Variants in INPP4B observed in about 807,000 individuals in gnomAD.
INPP4B encodes inositol polyphosphate 4-phosphatase type II.
In INPP4B, 55 loss-of-function variants were observed where a neutral mutation model predicts 122.5. That is an observed-to-expected ratio of 0.45 (90% CI 0.36 to 0.56). The LOEUF (loss-of-function observed/expected upper bound fraction) is 0.56. Among genes scored for constraint, INPP4B ranks in the 20% least tolerant of loss-of-function variants. INPP4B has a pLI of 0.00. For synonymous variants in INPP4B, 403 were observed against 388.7 expected (o/e 1.04, Z -0.43); for missense variants, 1,000 against 1,097.7 (o/e 0.91, Z 1.26).
intron 2 of INPP4B, among the ~76,000 whole-genome samples, chr4:142,525,825 A>G (rs945434347): frequency 6.7e-6 from 1 of 149,604 alleles, no homozygotes; most frequent in Admixed American, 6.8e-5. Context: ...GGACATAGGC[A>G]TGGGCAAGGA....
intron 1 of INPP4B, among the ~76,000 whole-genome samples, chr4:142,757,320 G>A (rs1770650978): frequency 6.6e-6 from 1 of 152,040 alleles, no homozygotes; most frequent in Non-Finnish European, 1.5e-5. Flanking sequence ...CTTACTATGG[G>A]TTTGTTCTTG....
intron 2 of INPP4B, among the ~76,000 whole-genome samples, chr4:142,610,822 T>C (rs377764863): frequency 6.6e-6 from 1 of 152,278 alleles, no homozygotes; most frequent in East Asian, 1.9e-4. Flanking sequence ...AACTGAAAAG[T>C]TGCATGCCAA....
At chr4:142,209,320 A>G (rs1406396993) in intron 12 of INPP4B, among the ~76,000 whole-genome samples, 1 of 152,150 alleles carries the variant, frequency 6.6e-6, no homozygotes, top group Non-Finnish European at 1.5e-5. Flanking sequence ...ATACATAGGG[A>G]AGACATTTAG....
intron 7 of INPP4B, among the ~76,000 whole-genome samples, chr4:142,337,602 G>T (rs1017846453): frequency 6.8e-6 from 1 of 147,076 alleles, no homozygotes; most frequent in Non-Finnish European, 1.5e-5. Flanking sequence ...CAAAGTGCTG[G>T]TTCAAATGTT....
chr4:142,064,444 T>G (rs1762480621), intron 25 of INPP4B, among the ~76,000 whole-genome samples: 1 of 152,186 alleles, frequency 6.6e-6, no homozygotes, highest in African/African-American at 2.4e-5. Context: ...CGGTTGCCAT[T>G]TAACTTTATG....
chr4:142,459,402 A>G (rs1275352524), intron 3 of INPP4B, among the ~76,000 whole-genome samples: 3 of 152,154 alleles, frequency 2.0e-5, no homozygotes, highest in Non-Finnish European at 2.9e-5. Flanking sequence ...CATCAAAAAC[A>G]TGAGGGTAGA....
chr4:142,239,063 G>A (rs1240026276), intron 11 of INPP4B, among the ~76,000 whole-genome samples: 3 of 152,046 alleles, frequency 2.0e-5, no homozygotes, highest in Non-Finnish European at 4.4e-5. Flanking sequence ...AATGTACAGG[G>A]AAAAATTCTT....
intron 9 of INPP4B, among the ~76,000 whole-genome samples, chr4:142,282,678 C>T (rs1751744184): frequency 6.6e-6 from 1 of 152,056 alleles, no homozygotes; most frequent in South Asian, 2.1e-4. Flanking sequence ...GCCATAAGGC[C>T]CTCCACATTG....
intron 25 of INPP4B, among the ~76,000 whole-genome samples, chr4:142,035,136 A>G (rs1743037452): frequency 6.6e-6 from 1 of 152,184 alleles, no homozygotes; most frequent in Non-Finnish European, 1.5e-5. Context: ...TCACATCAGC[A>G]CGAGGAGGCA....
At chr4:142,579,840 A>C (rs1202305934) in intron 2 of INPP4B, among the ~76,000 whole-genome samples, 1 of 150,008 alleles carries the variant, frequency 6.7e-6, no homozygotes, top group African/African-American at 2.5e-5. Flanking sequence ...ATAATAAATT[A>C]GATAGATTGG....
chr4:142,480,624 G>A (rs533213380), intron 2 of INPP4B, among the ~76,000 whole-genome samples: 19 of 152,244 alleles, frequency 1.2e-4, no homozygotes, highest in Middle Eastern at 6.8e-3. Flanking sequence ...GGCTCAATGG[G>A]TCCAAGGCAG....
chr4:142,747,876 G>A (rs902845197), intron 1 of INPP4B, among the ~76,000 whole-genome samples: 12 of 77,220 alleles, frequency 1.6e-4, no homozygotes, highest in Admixed American at 1.2e-3. Flanking sequence ...GTCAAGGGGT[G>A]GGGGAGCTGG....
intron 2 of INPP4B, among the ~76,000 whole-genome samples, chr4:142,635,544 G>A (rs1284676130): frequency 1.3e-5 from 2 of 152,042 alleles, no homozygotes; most frequent in Non-Finnish European, 2.9e-5. Context: ...GAACAAGATC[G>A]TGTCTTTTGT....
chr4:142,744,530 A>G (rs1221884162), intron 1 of INPP4B, among the ~76,000 whole-genome samples: 1 of 151,840 alleles, frequency 6.6e-6, no homozygotes, highest in Admixed American at 6.6e-5. Flanking sequence ...AGATAAAGCA[A>G]TCAGAGGAAA....
At chr4:142,554,198 A>G (rs1728620046) in intron 2 of INPP4B, among the ~76,000 whole-genome samples, 1 of 145,298 alleles carries the variant, frequency 6.9e-6, no homozygotes, top group African/African-American at 2.5e-5. Context: ...CAAAAAAAAA[A>G]AAAAAAAGAA....
chr4:142,755,883 C>T (rs1451187751), intron 1 of INPP4B, among the ~76,000 whole-genome samples: 1 of 151,880 alleles, frequency 6.6e-6, no homozygotes, highest in Non-Finnish European at 1.5e-5. Flanking sequence ...AGTTTCTCAC[C>T]CAGAAATTGT....
intron 1 of INPP4B, among the ~76,000 whole-genome samples, chr4:142,785,789 A>G (rs1298771652): frequency 6.6e-6 from 1 of 152,200 alleles, no homozygotes; most frequent in East Asian, 1.9e-4. Flanking sequence ...AGTATTAATG[A>G]CAGTCATCAA....
intron 1 of INPP4B, among the ~76,000 whole-genome samples, chr4:142,742,534 G>A (rs1768055491): frequency 6.6e-6 from 1 of 151,810 alleles, no homozygotes; most frequent in African/African-American, 2.4e-5. Context: ...GATGTCAGAA[G>A]GCTGTAGAAA....
intron 3 of INPP4B, among the ~76,000 whole-genome samples, chr4:142,456,483 A>G (rs1214955168): frequency 6.6e-6 from 1 of 151,898 alleles, no homozygotes; most frequent in Non-Finnish European, 1.5e-5. Flanking sequence ...TCATTGGTCT[A>G]TGTGTCTGTT....
Sources: gnomAD v4.1 joint callset for allele counts (sites outside exome capture counted in the v4.1 genomes callset) on GRCh38, gnomAD v4.1.1 for gene constraint, MANE v1.5 for transcripts, NCBI Gene and HGNC (gene_info 2026-07-23, HGNC 2026-07-21) for gene names.